Variants in PTPRQ observed in about 807,000 individuals in gnomAD.
PTPRQ encodes protein tyrosine phosphatase receptor type Q.
PTPRQ carries 199 observed loss-of-function variants against 246.0 expected under a neutral mutation model. That is an observed-to-expected ratio of 0.81 (90% CI 0.72 to 0.91). PTPRQ has a LOEUF of 0.91. Among genes scored for constraint, PTPRQ ranks in the 40% least tolerant of loss-of-function variants. PTPRQ has a pLI of 0.00. For synonymous variants in PTPRQ, 869 were observed against 853.2 expected, an observed-to-expected ratio of 1.02 and a Z score of -0.32; for missense variants, 2,624 against 2,528.4, an observed-to-expected ratio of 1.04 and a Z score of -0.81.
At chr12:80,669,838 T>C (rs1187735512) in intron 41 of PTPRQ, among the ~76,000 whole-genome samples, 1 of 152,102 alleles carries the variant, frequency 6.6e-6, no homozygotes, top group Non-Finnish European at 1.5e-5. Context: ...AATAATTTGA[T>C]TTTCTATTTA....
intron 9 of PTPRQ, among the ~76,000 whole-genome samples, chr12:80,486,120 AG>A (rs1205849787): frequency 6.6e-6 from 1 of 152,166 alleles, no homozygotes; most frequent in Non-Finnish European, 1.5e-5. Flanking sequence ...TCTCTAAGAT[AG>A]TGATTATAAG....
chr12:80,472,353 A>G (rs1034456882), intron 8 of PTPRQ, 102 bp downstream of exon 8: 7 of 1,443,638 alleles, frequency 4.8e-6, no homozygotes, highest in Non-Finnish European at 6.6e-6. Flanking sequence ...ATTTACTTAA[A>G]TCATGTTATT....
At chr12:80,626,977 G>A (rs1899225588) in intron 33 of PTPRQ, among the ~76,000 whole-genome samples, 1 of 151,902 alleles carries the variant, frequency 6.6e-6, no homozygotes, top group Admixed American at 6.6e-5. Context: ...CACTTTATTA[G>A]CTACCTTTAA....
intron 24 of PTPRQ, among the ~76,000 whole-genome samples, chr12:80,547,921 T>A (rs962918258): frequency 1.3e-5 from 2 of 152,068 alleles, no homozygotes; most frequent in Non-Finnish European, 2.9e-5. Flanking sequence ...CTAGATTAGA[T>A]GAAAAGGACC....
intron 19 of PTPRQ, among the ~76,000 whole-genome samples, chr12:80,538,805 CT>C (rs1430207468): frequency 3.3e-5 from 5 of 151,798 alleles, no homozygotes; most frequent in Non-Finnish European, 5.9e-5. Flanking sequence ...GTATTAATGG[CT>C]TTTTGTGCTT....
chr12:80,542,126 C>A lies in PTPRQ; in HGVS notation c.3483C>A (p.Asn1161Lys), dbSNP rs775644568. The A allele has an allele frequency of 3.7e-5, 58 of 1,549,846 alleles. No homozygotes were observed. The highest frequency in any genetic ancestry group is 1.2e-5 in the South Asian group (1 of 83,448). Residue 1161 changes from asparagine to lysine, a missense_variant, in exon 22 of 45, where the codon AAC (asparagine) becomes AAA (lysine). By Grantham distance (94) the Asn-to-Lys change is moderately conservative. Coordinates refer to ENST00000644991, the MANE Select transcript of PTPRQ (RefSeq NM_001145026.2). ...ETSPIINTFK[N>K]LSSTSVLLSW... The stretch of plus-strand genomic sequence containing the variant: ...CACCAATAATCAACACTTTTAAAAA[C>A]CTTTCCTCTACCTCAGTTCTCTTAT...
chr12:80,497,423 G>C (rs1354223701), intron 14 of PTPRQ, among the ~76,000 whole-genome samples: 1 of 152,066 alleles, frequency 6.6e-6, no homozygotes, highest in Non-Finnish European at 1.5e-5. Flanking sequence ...AGCTCAGGCA[G>C]TAATTCAGGC....
At position 80,577,472 on chromosome 12, in the gene PTPRQ, C is replaced by T. The variant is rs182799031; in HGVS notation, c.4286-10657C>T. Among the ~76,000 whole-genome samples the T allele has an allele frequency of 1.8e-3, 273 of 152,268 alleles. 3 individuals are homozygous for T. The highest frequency in any genetic ancestry group is 6.4e-3 in the African/African-American group (266 of 41,536). ...TCAATTATCTCTTCCTGGTCCCTCC[C>T]ATGACATATGGGGATTATGGGAACT... On this transcript the variant is annotated intron_variant, in intron 25 of 44. Transcript: ENST00000644991.
In PTPRQ at chr12:80,484,419, T is replaced by C; in HGVS notation, c.1187-14T>C. On this transcript the variant is annotated splice_polypyrimidine_tract_variant and intron_variant, in intron 8 of 44. Coordinates refer to ENST00000644991, the MANE Select transcript of PTPRQ (RefSeq NM_001145026.2). ...ATTTCCCCCTTTTCTTTTCTTTCTT[T>C]CTTTCTTTCTTAGTTCCAGGGGCAG... The C allele has an allele frequency of 6.6e-7, 1 of 1,521,414 alleles. No individual in the cohort carries two copies. The allele number at this position is 1,521,414 out of a possible 1,614,324, so 94.2% of individuals were successfully genotyped here.
intron 8 of PTPRQ, among the ~76,000 whole-genome samples, chr12:80,478,623 T>C (rs1857395713): frequency 2.0e-5 from 3 of 151,994 alleles, no homozygotes; most frequent in Admixed American, 2.0e-4. Context: ...AGTTGAAAAC[T>C]GTGAAAAAAA....
intron 35 of PTPRQ, among the ~76,000 whole-genome samples, chr12:80,646,149 T>G (rs1463710588): frequency 6.6e-6 from 1 of 152,126 alleles, no homozygotes; most frequent in East Asian, 1.9e-4. Flanking sequence ...TAGGAGCAGC[T>G]TGAGATGAAC....
intron 39 of PTPRQ, among the ~76,000 whole-genome samples, chr12:80,663,665 A>G (rs982113136): frequency 6.6e-6 from 1 of 151,984 alleles, no homozygotes; most frequent in South Asian, 2.1e-4. Context: ...CAAAATTCAT[A>G]TAAAATATTG....
intron 17 of PTPRQ, among the ~76,000 whole-genome samples, chr12:80,533,692 A>G (rs1417771782): frequency 6.6e-6 from 1 of 152,098 alleles, no homozygotes. Context: ...TGAAAACATC[A>G]GTATGAAAGG....
chr12:80,635,059 C>T lies in PTPRQ; in HGVS notation c.5901C>T (p.Asp1967=), dbSNP rs61729309. The T allele has an allele frequency of 0.054, 83,167 of 1,550,648 alleles. 2,832 individuals carry two copies. Among genetic ancestry groups the T allele is most frequent in the East Asian group, 0.15 (6,127 of 40,836 alleles). ...LITVADLELK[D]ERLTRLLSYR... ...CAGTGGCAGACCTGGAACTGAAGGA[C>T]GAGAGATTAACGCGGTGAGCACACT... The change falls in exon 35 of 45, where the codon GAC becomes GAT. Residue 1967 remains aspartate, a synonymous_variant. Transcript: ENST00000644991.
At chr12:80,553,587 G>A (rs1430271880) in intron 25 of PTPRQ, among the ~76,000 whole-genome samples, 1 of 152,064 alleles carries the variant, frequency 6.6e-6, no homozygotes, top group East Asian at 1.9e-4. Flanking sequence ...GACCTTCCAG[G>A]GATTATTGGG....
chr12:80,495,898 G>T (rs928957301), intron 12 of PTPRQ, 101 bp from the exon 13 acceptor site: 9 of 1,333,428 alleles, frequency 6.7e-6, no homozygotes, highest in African/African-American at 4.5e-5. Context: ...TAGATATCTA[G>T]TCCCCCGTAT....
chr12:80,523,319 T>C (rs1895569664), intron 17 of PTPRQ, among the ~76,000 whole-genome samples: 1 of 152,230 alleles, frequency 6.6e-6, no homozygotes, highest in South Asian at 2.1e-4. Flanking sequence ...AACCAGCTCC[T>C]GGATTCATTG....
chr12:80,485,194 T>C (rs1894233248), intron 9 of PTPRQ, among the ~76,000 whole-genome samples: 1 of 152,182 alleles, frequency 6.6e-6, no homozygotes, highest in East Asian at 1.9e-4. Context: ...CTGGAAGTCT[T>C]ATTTTTTTCC....
At chr12:80,622,006 A>G in intron 32 of PTPRQ, 55 bp from the exon 33 acceptor site, 1 of 1,133,208 alleles carries the variant, frequency 8.8e-7, no homozygotes, top group Non-Finnish European at 1.2e-6. Context: ...TGAGTTATTC[A>G]TAGGAAAAAT....
Sources: allele counts gnomAD v4.1 joint callset (sites outside exome capture counted in the v4.1 genomes callset), GRCh38; gene constraint gnomAD v4.1.1; transcripts MANE v1.5; gene names NCBI Gene and HGNC (gene_info 2026-07-23, HGNC 2026-07-21).